APOLD1: variants seen among roughly 807,000 people sequenced by gnomAD.
APOLD1 encodes the protein apolipoprotein L domain containing 1.
Under a neutral mutation model 15.3 loss-of-function variants are expected in APOLD1, and 22 were observed. The ratio of observed to expected loss-of-function variants is 1.44; its 90% CI spans 1.03 to 2.05. The LOEUF is 2.05. APOLD1 is among the 30% of genes most tolerant of loss of function. The pLI is 0.00. For missense variants in APOLD1, 394 were observed against 353.5 expected, an observed-to-expected ratio of 1.11 and a Z score of -0.92; for synonymous variants, 190 against 167.4, an observed-to-expected ratio of 1.13 and a Z score of -1.04.
chr12:12,727,643 T>C (rs1428322476), intron 1 of APOLD1, among the ~76,000 whole-genome samples: 1 of 152,020 alleles, frequency 6.6e-6, no homozygotes, highest in Non-Finnish European at 1.5e-5. Flanking sequence ...CTCCCTGTCA[T>C]CCAGGCTGGA....
chr12:12,760,043 T>C (rs1309758583), intron 1 of APOLD1, among the ~76,000 whole-genome samples: 1 of 152,182 alleles, frequency 6.6e-6, no homozygotes, highest in African/African-American at 2.4e-5. Flanking sequence ...AGACATGTTA[T>C]ATACATAACA....
At chr12:12,751,140 A>G (rs1946809759) in intron 1 of APOLD1, among the ~76,000 whole-genome samples, 1 of 151,958 alleles carries the variant, frequency 6.6e-6, no homozygotes, top group South Asian at 2.1e-4. Flanking sequence ...TATGTGAGCA[A>G]AATCGCCATT....
chr12:12,728,204 G>A (rs1008977387), intron 1 of APOLD1, among the ~76,000 whole-genome samples: 4 of 151,012 alleles, frequency 2.6e-5, no homozygotes, highest in Non-Finnish European at 5.9e-5. Flanking sequence ...TGACTTCAAG[G>A]AATCCTCACA....
chr12:12,773,493 T>C (rs1023853302), intron 1 of APOLD1, among the ~76,000 whole-genome samples: 1 of 152,174 alleles, frequency 6.6e-6, no homozygotes, highest in African/African-American at 2.4e-5. Context: ...ACCCAAGAGT[T>C]TGAGGTTACA....
chr12:12,781,652 C>T (rs757184601), upstream of APOLD1, among the ~76,000 whole-genome samples: 5 of 151,166 alleles, frequency 3.3e-5, no homozygotes, highest in Admixed American at 1.3e-4. Flanking sequence ...CTCAGCCTCC[C>T]GAATAGCTGG....
chr12:12,726,039 T>A (rs775679489), exon 1 of APOLD1: 16 of 1,538,188 alleles, frequency 1.0e-5, no homozygotes, highest in African/African-American at 2.8e-5. Context: ...GGGCCAGGGG[T>A]ACTCGGAAGG....
intron 1 of APOLD1, among the ~76,000 whole-genome samples, chr12:12,770,894 A>G (rs983513751): frequency 5.3e-5 from 8 of 152,134 alleles, no homozygotes; most frequent in African/African-American, 1.9e-4. Flanking sequence ...TAGAGAAGAA[A>G]AGAATTACAT....
upstream of APOLD1, among the ~76,000 whole-genome samples, chr12:12,785,214 A>G (rs961697409): frequency 6.6e-6 from 1 of 152,214 alleles, no homozygotes; most frequent in Non-Finnish European, 1.5e-5. Context: ...AAAATACAGC[A>G]GTGGAGTATG....
At chr12:12,740,580 T>A (rs1460623307) in intron 1 of APOLD1, among the ~76,000 whole-genome samples, 2 of 152,194 alleles carry the variant, frequency 1.3e-5, no homozygotes, top group Non-Finnish European at 2.9e-5. Flanking sequence ...AATATCCCAA[T>A]CTCTCTGTTT....
intron 1 of APOLD1, among the ~76,000 whole-genome samples, chr12:12,751,927 G>C (rs185274114): frequency 7.8e-4 from 119 of 152,288 alleles, no homozygotes; most frequent in African/African-American, 2.7e-3. Context: ...TTTGGAGATG[G>C]AGGAAGAAGC....
intron 1 of APOLD1, among the ~76,000 whole-genome samples, chr12:12,750,138 CGAGGCG>C (rs1157347392): frequency 1.3e-5 from 2 of 151,958 alleles, no homozygotes; most frequent in Non-Finnish European, 2.9e-5. Context: ...TTTGCGAGGC[CGAGGCG>C]GGCGGATCAC....
chr12:12,748,814 G>A (rs761146996), intron 1 of APOLD1, among the ~76,000 whole-genome samples: 96 of 152,184 alleles, frequency 6.3e-4, no homozygotes, highest in Non-Finnish European at 1.5e-4. Context: ...CAAAGGGGAC[G>A]TGGAAATATA....
chr12:12,776,018 A>AAAC (rs1555092000), intron 1 of APOLD1, among the ~76,000 whole-genome samples: 1 of 150,756 alleles, frequency 6.6e-6, no homozygotes, highest in East Asian at 1.9e-4. Flanking sequence ...AAAAAAAAAA[A>AAAC]AAAAAAAACA....
At chr12:12,768,516 G>C (rs184434931) in intron 1 of APOLD1, among the ~76,000 whole-genome samples, 5 of 152,166 alleles carry the variant, frequency 3.3e-5, no homozygotes, top group Admixed American at 3.3e-4. Flanking sequence ...CCAACCAGGT[G>C]TCATGCACCT....
At chr12:12,765,457 C>T (rs1017099255) in intron 1 of APOLD1, among the ~76,000 whole-genome samples, 1 of 152,148 alleles carries the variant, frequency 6.6e-6, no homozygotes, top group Non-Finnish European at 1.5e-5. Context: ...AGCACTGTTA[C>T]ACTTAAGGCG....
Position 12,777,889 on chromosome 12 carries a change from G to GTTTTTTTT in APOLD1, c.97-8991_97-8984dup, listed in dbSNP as rs71436735. Among the ~76,000 whole-genome samples the GTTTTTTTT allele has an allele frequency of 3.8e-4, 45 of 117,104 alleles. 3 individuals are homozygous for GTTTTTTTT. The highest frequency in any genetic ancestry group is 4.1e-4 in the Non-Finnish European group (24 of 58,338). 76.8% of individuals were successfully genotyped at this position (117,104 alleles called of 152,430 possible). A position where few individuals can be genotyped will look rare whatever the true frequency, so the allele number is the denominator to read the frequency against. ...AAATATCTTCTCTACAAGGAAAGGT[G>GTTTTTTTT]TTTTTTTTTTTTTTTTTTTTTTTTT... On this transcript the variant is annotated intron_variant, in intron 1 of 1. Coordinates refer to the APOLD1 transcript ENST00000326765.
chr12:12,744,040 G>T (rs1946746023), intron 1 of APOLD1, among the ~76,000 whole-genome samples: 1 of 152,218 alleles, frequency 6.6e-6, no homozygotes. Flanking sequence ...TGATGGCTGG[G>T]CGTGGTGGCT....
intron 1 of APOLD1, among the ~76,000 whole-genome samples, chr12:12,777,433 T>A (rs1947044922): frequency 1.3e-5 from 2 of 152,226 alleles, no homozygotes; most frequent in South Asian, 4.1e-4. Context: ...CTTTCCCATG[T>A]TCAAGTATGT....
chr12:12,768,021 G>A (rs1014393160), intron 1 of APOLD1, among the ~76,000 whole-genome samples: 2 of 152,034 alleles, frequency 1.3e-5, no homozygotes, highest in African/African-American at 4.8e-5. Context: ...TCCTGACCTC[G>A]GGATCTGCCT....
Sources: allele counts gnomAD v4.1 joint callset (sites outside exome capture counted in the v4.1 genomes callset), GRCh38; gene constraint gnomAD v4.1.1; transcripts MANE v1.5; gene names NCBI Gene and HGNC (gene_info 2026-07-23, HGNC 2026-07-21).